BLM: variants seen among roughly 807,000 people sequenced by gnomAD.
BLM encodes recQ-like DNA helicase BLM.
BLM carries 95 observed loss-of-function variants against 135.3 expected under a neutral mutation model. The observed-to-expected ratio is 0.70, with a 90% CI of 0.59 to 0.83. The LOEUF is 0.83. Ranked by LOEUF, BLM falls within the 40% of genes least tolerant of loss-of-function variation. The pLI is 0.00. For missense variants in BLM, 1,518 were observed against 1,663.9 expected, an observed-to-expected ratio of 0.91 and a Z score of 1.53; for synonymous variants, 520 against 589.2, an observed-to-expected ratio of 0.88 and a Z score of 1.70.
chr15:90,813,527 G>A (rs1028305443), intron 21 of BLM, among the ~76,000 whole-genome samples: 1 of 152,166 alleles, frequency 6.6e-6, no homozygotes, highest in Non-Finnish European at 1.5e-5. Flanking sequence ...CCAAGTAGCT[G>A]GGATTATGGG....
intron 12 of BLM, among the ~76,000 whole-genome samples, chr15:90,774,230 A>G (rs1212487068): frequency 1.3e-5 from 2 of 149,886 alleles, no homozygotes; most frequent in East Asian, 4.0e-4. Flanking sequence ...GTATTTTTGT[A>G]TTTTTCTAAT....
intron 3 of BLM, among the ~76,000 whole-genome samples, chr15:90,750,888 G>A (rs554717765): frequency 5.5e-4 from 84 of 152,246 alleles, no homozygotes; most frequent in Middle Eastern, 3.4e-3. Flanking sequence ...GGCATCCACC[G>A]GGGTCTTGTC....
At chr15:90,732,746 A>G (rs1596202840) in intron 1 of BLM, among the ~76,000 whole-genome samples, 1 of 152,188 alleles carries the variant, frequency 6.6e-6, no homozygotes, top group African/African-American at 2.4e-5. Context: ...AATAAATAAT[A>G]AAGATAAAAA....
chr15:90,762,709 G>A (rs777590654), intron 7 of BLM, among the ~76,000 whole-genome samples: 3 of 152,018 alleles, frequency 2.0e-5, no homozygotes, highest in Non-Finnish European at 4.4e-5. Flanking sequence ...GGTCATGGTT[G>A]GAGGAAGGGA....
chr15:90,786,516 G>A (rs551003225), intron 14 of BLM, among the ~76,000 whole-genome samples: 1 of 152,240 alleles, frequency 6.6e-6, no homozygotes, highest in African/African-American at 2.4e-5. Context: ...GTGTCTCCAC[G>A]TCTTCACCAA....
Position 90,720,814 on chromosome 15 carries a change from G to A in BLM, c.-5+3374G>A, listed in dbSNP as rs144078702. Among the ~76,000 whole-genome samples, 84 of 152,098 alleles carry A rather than the reference G, an allele frequency of 5.5e-4. No individual in the cohort carries two copies. The East Asian group carries it at 0.012, about 22-fold the overall frequency. The stretch of plus-strand genomic sequence containing the variant: ...TCGCCGTGTTGTTCAGGCTGATCTC[G>A]AACTCGTAGGCTCAAGCAGTTTGCC... On this transcript the variant is annotated intron_variant, in intron 1 of 21. Transcript: ENST00000355112.
rs1897321664 is a variant in BLM at position 90,808,054 on chromosome 15, C to T, written c.3752-1083C>T. ...TATTTTATGATATGTTATTTCTAGG[C>T]GATTAGTGTAGTTTCTTAACTGTCC... On this transcript the variant is annotated intron_variant, in intron 19 of 21. Transcript: ENST00000355112. 2.6e-5 allele frequency among the ~76,000 whole-genome samples: 4 copies of T among 152,166 alleles called. No individual in the cohort carries two copies. The East Asian group carries it at 5.8e-4, about 22-fold the overall frequency.
chr15:90,808,714 G>GAGGC (rs1897337226), intron 19 of BLM: 1 of 280,254 alleles, frequency 3.6e-6, no homozygotes, highest in African/African-American at 2.2e-5. Flanking sequence ...AGGGTGGGGT[G>GAGGC]TACAAGTCTG....
chr15:90,786,832 C>T (rs577633986), intron 14 of BLM, among the ~76,000 whole-genome samples: 7 of 151,960 alleles, frequency 4.6e-5, no homozygotes, highest in South Asian at 4.2e-4. Flanking sequence ...CCAGGCTGGT[C>T]GTGAACTCCT....
At chr15:90,748,185 C>G (rs575132015) in intron 2 of BLM, among the ~76,000 whole-genome samples, 10 of 150,452 alleles carry the variant, frequency 6.6e-5, no homozygotes, top group Admixed American at 6.6e-4. Context: ...CTTAGCTCAC[C>G]GCAACCTCCG....
At chr15:90,786,642 A>G (rs765142442) in intron 14 of BLM, among the ~76,000 whole-genome samples, 1 of 152,134 alleles carries the variant, frequency 6.6e-6, no homozygotes, top group Non-Finnish European at 1.5e-5. Context: ...AATTCAAGCA[A>G]GGAATTCACG....
At chr15:90,801,300 C>A (rs1408593749) in intron 17 of BLM, among the ~76,000 whole-genome samples, 1 of 151,976 alleles carries the variant, frequency 6.6e-6, no homozygotes, top group East Asian at 1.9e-4. Context: ...ATGTAAACAA[C>A]GATTGAAATC....
intron 4 of BLM, among the ~76,000 whole-genome samples, chr15:90,752,873 G>A (rs1171724659): frequency 6.6e-6 from 1 of 152,120 alleles, no homozygotes; most frequent in South Asian, 2.1e-4. Context: ...CATTTACCAG[G>A]TGAAACAGCT....
intron 1 of BLM, among the ~76,000 whole-genome samples, chr15:90,740,785 T>G (rs1303789787): frequency 6.6e-6 from 1 of 152,140 alleles, no homozygotes; most frequent in East Asian, 1.9e-4. Flanking sequence ...GCTGATGGTT[T>G]TATAAAAGGC....
chr15:90,812,024 G>A (rs925908215), intron 21 of BLM, among the ~76,000 whole-genome samples: 2 of 152,190 alleles, frequency 1.3e-5, no homozygotes, highest in African/African-American at 4.8e-5. Flanking sequence ...TTGTTTGCCT[G>A]TTTGGGATGA....
rs1424085623 is a variant in BLM, at chr15:90,726,059, T to A, written c.-5+8619T>A. 3.3e-5 allele frequency among the ~76,000 whole-genome samples: 5 copies of A among 152,198 alleles called. 1 individual carries two copies. In the East Asian group the frequency reaches 7.7e-4, roughly 23 times the overall value. On this transcript the variant is annotated intron_variant, in intron 1 of 21. Coordinates refer to ENST00000355112, the MANE Select transcript of BLM (RefSeq NM_000057.4). The stretch of plus-strand genomic sequence containing the variant: ...ACAATTTATGGGGTACATAGTGATA[T>A]TTTGATACATATACTGTATAATGAT...
intron 21 of BLM, among the ~76,000 whole-genome samples, chr15:90,813,528 G>A (rs1172296280): frequency 6.6e-6 from 1 of 152,092 alleles, no homozygotes; most frequent in East Asian, 1.9e-4. Flanking sequence ...CAAGTAGCTG[G>A]GATTATGGGT....
rs371965329 is a variant in BLM at position 90,760,868 on chromosome 15, T to A, written c.1495T>A (p.Ser499Thr). The A allele has an allele frequency of 8.7e-6, 14 of 1,613,858 alleles. No homozygotes were observed. The African/African-American group carries it at 1.9e-4, about 22-fold the overall frequency. The change falls in exon 7 of 22, where the codon TCC (serine) becomes ACC (threonine). Residue 499 changes from serine (S) to threonine (T), a missense_variant. Physicochemically the swap from Ser to Thr is moderately conservative, Grantham distance 58. This residue lies in a region of BLM where 724 missense variants were observed against 756.9 expected (regional missense o/e 0.96). Transcript: ENST00000355112. ...RPLFNTHLQKSFVSSNWAETP... is the reference protein window; with the variant it reads ...RPLFNTHLQKTFVSSNWAETP... Reference sequence around the variant, plus strand: ...TTTATTCAATACCCATTTACAGAAGTCCTTTGTAAGTAGCAACTGGGCTGA... The same window carrying A: ...TTTATTCAATACCCATTTACAGAAGACCTTTGTAAGTAGCAACTGGGCTGA...
intron 17 of BLM, among the ~76,000 whole-genome samples, chr15:90,801,166 AAAAAAAAAAAAAGTTGG>A (rs1897158079): frequency 2.9e-5 from 1 of 33,930 alleles, no homozygotes; most frequent in African/African-American, 5.5e-5. Flanking sequence ...AAAAAGTTGT[AAAAAAAAAAAAAGTTGG>A]TAAAATGTAC....
Sources: allele counts gnomAD v4.1 joint callset (sites outside exome capture counted in the v4.1 genomes callset), GRCh38; gene constraint gnomAD v4.1.1; regional missense constraint gnomAD v4.1.1; transcripts MANE v1.5; gene names NCBI Gene and HGNC (gene_info 2026-07-23, HGNC 2026-07-21).